UBE2E1: variants seen among roughly 807,000 people sequenced by gnomAD.
UBE2E1 encodes the protein ubiquitin conjugating enzyme E2 E1.
Under a neutral mutation model 21.4 loss-of-function variants are expected in UBE2E1, and 6 were observed. That is an observed-to-expected ratio of 0.28 (90% confidence interval 0.15 to 0.55). The LOEUF (loss-of-function observed/expected upper bound fraction) is 0.55. UBE2E1 is among the 20% of genes least tolerant of loss of function. The pLI, the probability that UBE2E1 is intolerant of heterozygous loss-of-function variation, is 0.93. For synonymous variants in UBE2E1, 87 were observed against 82.7 expected, an observed-to-expected ratio of 1.05 and a Z score of -0.28; for missense variants, 142 against 236.5, an observed-to-expected ratio of 0.60 and a Z score of 2.62.
At chr3:23,873,016 C>CA (rs530180788) in intron 3 of UBE2E1, among the ~76,000 whole-genome samples, 6,666 of 140,502 alleles carry the variant, frequency 0.047, 172 homozygotes, top group Middle Eastern at 0.068. Context: ...GACTCCATCT[C>CA]AAAAAAAAAA....
In UBE2E1 at chr3:23,823,756, G is replaced by T. The variant is rs746501624; in HGVS notation, c.203+12246G>T. Reference sequence around the variant, plus strand: ...CCTAAGTAAATATTTCAGAACCAACGTATGTTAAGTGATTATAGTAATGTG... The same window carrying T: ...CCTAAGTAAATATTTCAGAACCAACTTATGTTAAGTGATTATAGTAATGTG... On this transcript the variant is annotated intron_variant, in intron 3 of 5. Transcript: ENST00000306627. The surrounding 1 kb of genome is among the most constrained non-coding windows in gnomAD (Gnocchi z 4.2). 3.9e-5 allele frequency among the ~76,000 whole-genome samples: 6 copies of T among 152,142 alleles called. No homozygotes were observed. Among genetic ancestry groups the T allele is most frequent in the Middle Eastern group, 3.2e-3 (1 of 316 alleles).
chr3:23,887,843 A>C lies in UBE2E1; in HGVS notation c.336+144A>C, dbSNP rs1433291729. 8.7e-7 allele frequency: 1 copy of C among 1,149,032 alleles called. No homozygotes were observed. The highest frequency in any genetic ancestry group is 1.6e-5 in the African/African-American group (1 of 63,738). The allele number at this position is 1,149,032 out of a possible 1,614,324, so 71.2% of individuals were successfully genotyped here. A position where few individuals can be genotyped will look rare whatever the true frequency, so the allele number is the denominator to read the frequency against. ...CTGAGTATTTTAACATATACAAAAC[A>C]CTTCTTTAGGTTGATTTTGCCTTAT... On this transcript the variant is annotated intron_variant, in intron 4 of 5. Transcript: ENST00000306627. This position sits in a 1 kb window ranked among gnomAD's most constrained non-coding sequence, Gnocchi z 4.4.
chr3:23,879,125 C>G, intron 3 of UBE2E1: 4 of 553,788 alleles, frequency 7.2e-6, no homozygotes, highest in Non-Finnish European at 1.3e-5. Flanking sequence ...AGTAGAGGGA[C>G]TGCTTGGTTT....
chr3:23,820,792 A>G (rs1474378068), intron 3 of UBE2E1, among the ~76,000 whole-genome samples: 1 of 152,218 alleles, frequency 6.6e-6, no homozygotes, highest in Non-Finnish European at 1.5e-5. Context: ...TAGCATTGAA[A>G]TGATGATCAT....
rs1175573504 is a variant in UBE2E1 at position 23,890,887 on chromosome 3, G to GTAGTC, written c.*283_*287dup. On this transcript the variant is annotated 3_prime_UTR_variant, in exon 6 of 6. Coordinates refer to ENST00000306627, the MANE Select transcript of UBE2E1 (RefSeq NM_003341.5). ...TTTAGACATTTGGGTTCAGTTGCTT[G>GTAGTC]TAGTCTGTAAATTTAAAACAGCTTA... 1 of 250,180 alleles carries GTAGTC rather than the reference G, an allele frequency of 4.0e-6. No homozygotes were observed. Among genetic ancestry groups the GTAGTC allele is most frequent in the African/African-American group, 2.2e-5 (1 of 44,762 alleles). The allele number at this position is 250,180 out of a possible 1,614,324, so 15.5% of individuals were successfully genotyped here. A position where few individuals can be genotyped will look rare whatever the true frequency, so the allele number is the denominator to read the frequency against.
At chr3:23,851,302 A>G (rs752358437) in intron 3 of UBE2E1, among the ~76,000 whole-genome samples, 1 of 152,184 alleles carries the variant, frequency 6.6e-6, no homozygotes, top group Admixed American at 6.5e-5. Context: ...GTGGCTTCAT[A>G]GTAAGTTTTG....
At chr3:23,820,562 G>A (rs6775367) in intron 3 of UBE2E1, among the ~76,000 whole-genome samples, 68,389 of 151,848 alleles carry the variant, frequency 0.45, 15,432 homozygotes, top group Middle Eastern at 0.47. Flanking sequence ...GGGGCAGTGT[G>A]TTGTTCACTA....
intron 3 of UBE2E1, among the ~76,000 whole-genome samples, chr3:23,824,343 A>G (rs544301134): frequency 6.6e-6 from 1 of 152,264 alleles, no homozygotes; most frequent in South Asian, 2.1e-4. Context: ...TGAATTTGTG[A>G]AGAAAGGCAT....
At position 23,863,474 on chromosome 3, in the gene UBE2E1, A is replaced by G. The variant is rs1050573350; in HGVS notation, c.204-24093A>G. Among the ~76,000 whole-genome samples, 5 of 152,112 alleles carry G rather than the reference A, an allele frequency of 3.3e-5. No individual in the cohort carries two copies. The highest frequency in any genetic ancestry group is 7.3e-5 in the Non-Finnish European group (5 of 68,032). On this transcript the variant is annotated intron_variant, in intron 3 of 5. Transcript: ENST00000306627. This position sits in a 1 kb window ranked among gnomAD's most constrained non-coding sequence, Gnocchi z 4.3. Reference sequence around the variant, plus strand: ...AAATTCAACCCCAGATGCCTTCACAATTATCTAAAAGTCCTCAAAAGACAT... The same window carrying G: ...AAATTCAACCCCAGATGCCTTCACAGTTATCTAAAAGTCCTCAAAAGACAT...
Position 23,863,966 on chromosome 3 carries a change from C to T in UBE2E1, c.204-23601C>T, listed in dbSNP as rs996033186. Among the ~76,000 whole-genome samples, 1 of 152,196 alleles carries T rather than the reference C, an allele frequency of 6.6e-6. No individual in the cohort carries two copies. Among genetic ancestry groups the T allele is most frequent in the African/African-American group, 2.4e-5 (1 of 41,448 alleles). On this transcript the variant is annotated intron_variant, in intron 3 of 5. Coordinates refer to ENST00000306627, the MANE Select transcript of UBE2E1 (RefSeq NM_003341.5). This position sits in a 1 kb window ranked among gnomAD's most constrained non-coding sequence, Gnocchi z 4.3. Reference sequence around the variant, plus strand: ...ACTGTCTTTTGGGGAATTCTCTTTACTATTCTACATAGAAGTTTTGTTTCC... The same window carrying T: ...ACTGTCTTTTGGGGAATTCTCTTTATTATTCTACATAGAAGTTTTGTTTCC...
intron 3 of UBE2E1, among the ~76,000 whole-genome samples, chr3:23,849,529 C>T (rs1267130201): frequency 6.6e-6 from 1 of 152,050 alleles, no homozygotes; most frequent in South Asian, 2.1e-4. Context: ...TCTGACAGGC[C>T]CTAGTGTGTG....
chr3:23,879,962 C>G (rs1379401376), intron 3 of UBE2E1, among the ~76,000 whole-genome samples: 1 of 152,254 alleles, frequency 6.6e-6, no homozygotes, highest in Non-Finnish European at 1.5e-5. Flanking sequence ...AAAATTGATT[C>G]TGGCCAGGCA....
chr3:23,861,734 A>G (rs533761971), intron 3 of UBE2E1, among the ~76,000 whole-genome samples: 3 of 152,338 alleles, frequency 2.0e-5, no homozygotes, highest in South Asian at 4.1e-4. Context: ...GGAATGACAC[A>G]AAGTTTGGCT....
intron 3 of UBE2E1, among the ~76,000 whole-genome samples, chr3:23,850,681 GTTT>G (rs550418701): frequency 1.9e-5 from 2 of 104,314 alleles, no homozygotes; most frequent in Non-Finnish European, 4.0e-5. Flanking sequence ...ACACCTGATT[GTTT>G]TTTTTTTTTT....
chr3:23,828,940 C>CT (rs1575813013), intron 3 of UBE2E1, among the ~76,000 whole-genome samples: 1 of 152,160 alleles, frequency 6.6e-6, no homozygotes, highest in African/African-American at 2.4e-5. Flanking sequence ...CAGGGGTTTA[C>CT]TTTCAGTGGA....
rs939477100 is a variant in UBE2E1, at chr3:23,887,122, G to C, written c.204-445G>C. Among the ~76,000 whole-genome samples, 2 of 152,192 alleles carry C rather than the reference G, an allele frequency of 1.3e-5. No individual in the cohort carries two copies. Among genetic ancestry groups the C allele is most frequent in the Non-Finnish European group, 2.9e-5 (2 of 68,036 alleles). On this transcript the variant is annotated intron_variant, in intron 3 of 5. Transcript: ENST00000306627. The surrounding 1 kb of genome is among the most constrained non-coding windows in gnomAD (Gnocchi z 4.4). ...ATTCTTTTAAAGGTGAGATTATGGA[G>C]ATAGAAGAGCAAGGAAGAGCCAGTT...
chr3:23,845,585 CTCTCTGTGTG>C (rs1700182129), intron 3 of UBE2E1, among the ~76,000 whole-genome samples: 1 of 98,002 alleles, frequency 1.0e-5, no homozygotes, highest in Non-Finnish European at 2.1e-5. Context: ...CTCTCTCTCT[CTCTCTGTGTG>C]TGTGTGTGTG....
chr3:23,877,912 C>T (rs1392212181), intron 3 of UBE2E1, among the ~76,000 whole-genome samples: 1 of 152,186 alleles, frequency 6.6e-6, no homozygotes, highest in Non-Finnish European at 1.5e-5. Context: ...AACTGAGTTT[C>T]TAATTCAGTT....
At chr3:23,871,644 T>C (rs1700793521) in intron 3 of UBE2E1, among the ~76,000 whole-genome samples, 1 of 148,712 alleles carries the variant, frequency 6.7e-6, no homozygotes, top group Non-Finnish European at 1.5e-5. Flanking sequence ...GAGGGTCTCC[T>C]CGCTTCTCAG....
Sources: allele counts gnomAD v4.1 joint callset (sites outside exome capture counted in the v4.1 genomes callset), GRCh38; gene constraint gnomAD v4.1.1; non-coding constraint Gnocchi (gnomAD v3.1); transcripts MANE v1.5; gene names NCBI Gene and HGNC (gene_info 2026-07-23, HGNC 2026-07-21).